TTBK2: variants seen among roughly 807,000 people sequenced by gnomAD.
TTBK2 encodes the protein tau-tubulin kinase 2.
Under a neutral mutation model 110.8 loss-of-function variants are expected in TTBK2, and 28 were observed. That is an observed-to-expected ratio of 0.25 (90% confidence interval 0.19 to 0.35). The LOEUF (loss-of-function observed/expected upper bound fraction) is 0.35, where lower values mean the gene tolerates loss of function less well. TTBK2 is among the 10% of genes least tolerant of loss of function. TTBK2 has a pLI of 1.00. For missense variants in TTBK2, 1,369 were observed against 1,500.3 expected, an observed-to-expected ratio of 0.91 and a Z score of 1.45; for synonymous variants, 532 against 527.3, an observed-to-expected ratio of 1.01 and a Z score of -0.12.
At chr15:42,750,570 G>GA (rs372265761) in intron 14 of TTBK2, among the ~76,000 whole-genome samples, 7 of 149,994 alleles carry the variant, frequency 4.7e-5, no homozygotes, top group Admixed American at 6.6e-5. Flanking sequence ...CTGAGGTACA[G>GA]AAAAAAAAAG....
intron 13 of TTBK2, among the ~76,000 whole-genome samples, chr15:42,763,864 C>G (rs540626197): frequency 8.6e-4 from 131 of 152,208 alleles, no homozygotes; most frequent in Non-Finnish European, 2.8e-4. Flanking sequence ...CTGCTTTTGT[C>G]CTTACCTTGT....
At chr15:42,849,130 T>C (rs559928734) in intron 3 of TTBK2, among the ~76,000 whole-genome samples, 14 of 152,132 alleles carry the variant, frequency 9.2e-5, no homozygotes, top group Non-Finnish European at 1.8e-4. Context: ...TTTGATATTA[T>C]CTCATAGGTC....
At position 42,743,440 on chromosome 15, in the gene TTBK2, A is replaced by T. The variant is rs529873460; in HGVS notation, c.*2355T>A. On this transcript the variant is annotated 3_prime_UTR_variant, in exon 15 of 15. Coordinates refer to ENST00000267890, the MANE Select transcript of TTBK2 (RefSeq NM_173500.4). ...AGCTTTTCCAATGATTACTACTAGC[A>T]TATTTCCGACTAAAGGGGTCAGGAT... 1 of 152,342 alleles carries T rather than the reference A, an allele frequency of 6.6e-6. No individual in the cohort carries two copies. The highest frequency in any genetic ancestry group is 1.9e-4 in the East Asian group (1 of 5,190). 9.4% of individuals were successfully genotyped at this position (152,342 alleles called of 1,614,324 possible).
intron 1 of TTBK2, among the ~76,000 whole-genome samples, chr15:42,919,525 G>C (rs1442321428): frequency 1.3e-5 from 2 of 152,178 alleles, no homozygotes; most frequent in Non-Finnish European, 2.9e-5. Context: ...CTCCCTCTGC[G>C]TGTGTGTCTA....
At chr15:42,836,873 A>T (rs746814540) in intron 4 of TTBK2, among the ~76,000 whole-genome samples, 1 of 152,208 alleles carries the variant, frequency 6.6e-6, no homozygotes, top group Non-Finnish European at 1.5e-5. Flanking sequence ...AGTACCAGAC[A>T]AATCACAAAC....
chr15:42,894,567 C>T (rs6493069), intron 1 of TTBK2, among the ~76,000 whole-genome samples: 67,950 of 151,840 alleles, frequency 0.45, 19,290 homozygotes, highest in African/African-American at 0.81. Flanking sequence ...GCCTAGGCAA[C>T]ATGGTGAAAC....
intron 13 of TTBK2, among the ~76,000 whole-genome samples, chr15:42,763,084 T>TTA (rs373174591): frequency 0.016 from 1,716 of 108,758 alleles, 46 homozygotes; most frequent in East Asian, 0.091. Context: ...GTTAACAATT[T>TTA]TATATATATA....
intron 14 of TTBK2, among the ~76,000 whole-genome samples, chr15:42,748,577 G>A (rs1295763910): frequency 2.0e-5 from 3 of 151,808 alleles, no homozygotes; most frequent in Admixed American, 6.6e-5. Flanking sequence ...TGTAGCACCC[G>A]TGCCTGGCTA....
At chr15:42,897,500 T>C (rs1038187950) in intron 1 of TTBK2, among the ~76,000 whole-genome samples, 1 of 152,032 alleles carries the variant, frequency 6.6e-6, no homozygotes, top group Admixed American at 6.6e-5. Flanking sequence ...CCTAGCCTTT[T>C]AGACAGGGTG....
In TTBK2 at chr15:42,752,507, A is replaced by G. The variant is rs1207628885; in HGVS notation, c.2739T>C (p.Asn913=). Residue 913 remains asparagine (N), a synonymous_variant, in exon 14 of 15, where the codon AAT becomes AAC. Transcript: ENST00000267890. ...CTGAAACACAATGAAATAGTTCTCC[A>G]TTTCTAGGGGTGATTTTCTCTCTCT... ...EGKREKITPR[N]GELFHCVSEN... is the part of the protein sequence containing the mutation. 2 of 1,614,172 alleles carry G rather than the reference A, an allele frequency of 1.2e-6. No homozygotes were observed. The highest frequency in any genetic ancestry group is 1.7e-6 in the Non-Finnish European group (2 of 1,180,024).
At chr15:42,901,439 T>C (rs2030002858) in intron 1 of TTBK2, among the ~76,000 whole-genome samples, 1 of 151,428 alleles carries the variant, frequency 6.6e-6, no homozygotes, top group Admixed American at 6.6e-5. Context: ...TTCTTGGATA[T>C]AATACCAAAA....
rs1407877360 is a variant in TTBK2, at chr15:42,745,801, G to T, written c.3729C>A (p.Ser1243Arg). 6.2e-7 allele frequency: 1 copy of T among 1,614,070 alleles called. No individual in the cohort carries two copies. Among genetic ancestry groups the T allele is most frequent in the Non-Finnish European group, 8.5e-7 (1 of 1,180,044 alleles). Residue 1243 changes from serine (S) to arginine (R), a missense_variant, in exon 15 of 15, where the codon AGC (serine) becomes AGA (arginine). By Grantham distance (110) the Ser-to-Arg change is moderately radical. Around this residue, in one of 4 missense-constraint regions of TTBK2, gnomAD observed 1,097 missense variants for 1,114.7 expected, o/e 0.98. Transcript: ENST00000267890. ...AAGAGATGCAGCCTGGCTCCTATCTGCTGAGTTTACTGGCTGGCTTACTCT... is the reference window on the plus strand; with the variant it reads ...AAGAGATGCAGCCTGGCTCCTATCTTCTGAGTTTACTGGCTGGCTTACTCT... ...QGKSKPASKL[S>R]R
At chr15:42,861,367 C>T (rs986540474) in intron 3 of TTBK2, among the ~76,000 whole-genome samples, 5 of 152,120 alleles carry the variant, frequency 3.3e-5, no homozygotes, top group Non-Finnish European at 5.9e-5. Context: ...TACAGCAAGT[C>T]TCAATAAATT....
At chr15:42,860,573 A>G (rs1299296211) in intron 3 of TTBK2, among the ~76,000 whole-genome samples, 1 of 150,396 alleles carries the variant, frequency 6.6e-6, no homozygotes, top group Non-Finnish European at 1.5e-5. Context: ...TGAGCCCAGG[A>G]GTTCAGTTCA....
intron 1 of TTBK2, among the ~76,000 whole-genome samples, chr15:42,889,600 AGTG>A (rs1345271647): frequency 5.9e-5 from 9 of 152,164 alleles, no homozygotes; most frequent in Non-Finnish European, 1.2e-4. Context: ...GCAGTCTCTA[AGTG>A]GATGTCTTGG....
In TTBK2 at chr15:42,919,283, T is replaced by TA. The variant is rs10712537; in HGVS notation, c.-68+1154dup. Among the ~76,000 whole-genome samples, 913 of 151,040 alleles carry TA rather than the reference T, an allele frequency of 6.0e-3. 4 individuals are homozygous for TA. Among genetic ancestry groups the TA allele is most frequent in the Non-Finnish European group, 8.0e-3 (544 of 67,704 alleles). ...TTGTCATCATTACTGCTTCTTTATT[T>TA]AAAAAAAAAAAGGAAATAAAGCAAG... On this transcript the variant is annotated intron_variant, in intron 1 of 14. Coordinates refer to ENST00000267890, the MANE Select transcript of TTBK2 (RefSeq NM_173500.4).
At chr15:42,850,044 G>A (rs1408198263) in intron 3 of TTBK2, among the ~76,000 whole-genome samples, 8 of 152,068 alleles carry the variant, frequency 5.3e-5, no homozygotes, top group Admixed American at 1.3e-4. Context: ...GAGAAAAAAA[G>A]CAGTGGGGAT....
intron 9 of TTBK2, among the ~76,000 whole-genome samples, chr15:42,806,887 T>C (rs1022941437): frequency 6.6e-6 from 1 of 152,126 alleles, no homozygotes; most frequent in African/African-American, 2.4e-5. Flanking sequence ...AAGACAATTC[T>C]TCTTCTTCCA....
chr15:42,775,234 A>G lies in TTBK2; in HGVS notation c.1899T>C (p.Tyr633=). The part of the protein sequence containing the change: ...EGPPTAASEQ[Y]TDRLELQPGA... ...CAGGCTGGAGTTCCAGCCTATCTGT[A>G]TATTGTTCTGAAGCAGCAGTAGGAG... is the stretch of plus-strand genomic sequence containing the variant. Residue 633 remains tyrosine, a synonymous_variant, in exon 13 of 15, where the codon TAT becomes TAC. Coordinates refer to ENST00000267890, the MANE Select transcript of TTBK2 (RefSeq NM_173500.4). 6.2e-7 allele frequency: 1 copy of G among 1,614,238 alleles called. No homozygotes were observed. The highest frequency in any genetic ancestry group is 8.5e-7 in the Non-Finnish European group (1 of 1,180,040).
Sources: allele counts gnomAD v4.1 joint callset (sites outside exome capture counted in the v4.1 genomes callset), GRCh38; gene constraint gnomAD v4.1.1; regional missense constraint gnomAD v4.1.1; transcripts MANE v1.5; gene names NCBI Gene and HGNC (gene_info 2026-07-23, HGNC 2026-07-21).